The following WT1 variants were observed in gnomAD, a reference collection of about 807,000 sequenced individuals.
WT1 encodes Wilms tumor protein.
Under a neutral mutation model 60.8 loss-of-function variants are expected in WT1, and 8 were observed. That is an observed-to-expected ratio of 0.13 (90% CI 0.08 to 0.24). The LOEUF is 0.24. Ranked by LOEUF, WT1 falls within the 10% of genes least tolerant of loss-of-function variation. The probability of loss-of-function intolerance (pLI) is 1.00; values close to 1 mark genes in which losing one functional copy is unlikely to be tolerated. For synonymous variants in WT1, 312 were observed against 297.1 expected, an observed-to-expected ratio of 1.05 and a Z score of -0.52; for missense variants, 568 against 711.8, an observed-to-expected ratio of 0.80 and a Z score of 2.30.
At chr11:32,408,508 A>T (rs1390875086) in intron 5 of WT1, among the ~76,000 whole-genome samples, 13 of 124,022 alleles carry the variant, frequency 1.0e-4, no homozygotes, top group Non-Finnish European at 2.0e-4. Context: ...GAAGGAGACT[A>T]CGTCTTAAAA....
chr11:32,407,891 A>C (rs1289899083), intron 5 of WT1, among the ~76,000 whole-genome samples: 3 of 152,146 alleles, frequency 2.0e-5, no homozygotes, highest in African/African-American at 7.2e-5. Context: ...GAAAAAAGAA[A>C]ATAAAAAAAG....
At chr11:32,432,024 C>T (rs1432291624) in intron 1 of WT1, among the ~76,000 whole-genome samples, 4 of 152,184 alleles carry the variant, frequency 2.6e-5, no homozygotes, top group Admixed American at 2.6e-4. Flanking sequence ...CAAAGGTTCT[C>T]GAGGCCATTG....
At chr11:32,404,502 A>C (rs1396218773) in intron 5 of WT1, among the ~76,000 whole-genome samples, 1 of 152,004 alleles carries the variant, frequency 6.6e-6, no homozygotes, top group Non-Finnish European at 1.5e-5. Context: ...AGGCAGGTAA[A>C]GTCACGGGAG....
At chr11:32,424,296 T>C (rs555138945) in intron 3 of WT1, among the ~76,000 whole-genome samples, 76 of 151,934 alleles carry the variant, frequency 5.0e-4, no homozygotes, top group African/African-American at 1.8e-3. Flanking sequence ...AAGGATCAAA[T>C]CCTGATTCTG....
At chr11:32,431,544 C>A (rs1368020940) in intron 1 of WT1, among the ~76,000 whole-genome samples, 1 of 150,056 alleles carries the variant, frequency 6.7e-6, no homozygotes, top group Non-Finnish European at 1.5e-5. Flanking sequence ...TCAAACGATT[C>A]TTGTGCCTCA....
At chr11:32,431,597 C>T (rs1440477181) in intron 1 of WT1, among the ~76,000 whole-genome samples, 1 of 104,892 alleles carries the variant, frequency 9.5e-6, no homozygotes, top group Non-Finnish European at 1.7e-5. Flanking sequence ...TCACCAAGCC[C>T]GGCCAATTTT....
intron 3 of WT1, among the ~76,000 whole-genome samples, chr11:32,419,804 C>T (rs1416030757): frequency 6.6e-6 from 1 of 152,260 alleles, no homozygotes; most frequent in Non-Finnish European, 1.5e-5. Context: ...AGCAATTCTC[C>T]TGCCTCAGCC....
intron 5 of WT1, among the ~76,000 whole-genome samples, chr11:32,415,744 G>A (rs1051746426): frequency 3.9e-5 from 6 of 152,160 alleles, no homozygotes; most frequent in African/African-American, 9.7e-5. Flanking sequence ...ACAACAGAAA[G>A]CCTTTTCTTT....
At chr11:32,410,867 T>C (rs1367438289) in intron 5 of WT1, among the ~76,000 whole-genome samples, 1 of 152,256 alleles carries the variant, frequency 6.6e-6, no homozygotes, top group African/African-American at 2.4e-5. Context: ...AACACTTTTC[T>C]GGATAACTTT....
intron 1 of WT1, among the ~76,000 whole-genome samples, chr11:32,432,910 G>A (rs1853360895): frequency 6.6e-6 from 1 of 152,232 alleles, no homozygotes; most frequent in Non-Finnish European, 1.5e-5. Flanking sequence ...GGATTCGATG[G>A]TTTCTCAACC....
At chr11:32,390,605 G>A (rs557122396) in intron 9 of WT1, among the ~76,000 whole-genome samples, 6 of 152,302 alleles carry the variant, frequency 3.9e-5, no homozygotes, top group Non-Finnish European at 8.8e-5. Context: ...TTCACTCGCT[G>A]TTCCTCTGCT....
intron 1 of WT1, among the ~76,000 whole-genome samples, chr11:32,431,470 T>C (rs1167683803): frequency 6.9e-6 from 1 of 145,900 alleles, no homozygotes; most frequent in Non-Finnish European, 1.5e-5. Flanking sequence ...GGAGTTTCGC[T>C]CTGTCGCCCA....
At chr11:32,431,087 G>A (rs1853293231) in intron 1 of WT1, among the ~76,000 whole-genome samples, 2 of 152,154 alleles carry the variant, frequency 1.3e-5, no homozygotes, top group Admixed American at 1.3e-4. Context: ...GCGCTAAGAG[G>A]CGAGACGCGC....
Position 32,435,494 on chromosome 11 carries a change from G to A in WT1, c.-134C>T. On this transcript the variant is annotated 5_prime_UTR_variant, in exon 1 of 10. Transcript: ENST00000452863. Reference sequence around the variant, plus strand: ...CGGACAGGCGGTCGGGTTGCGGAGAGCCCCCGGGTGTGGGCGCTGCCTTGA... The same window carrying A: ...CGGACAGGCGGTCGGGTTGCGGAGAACCCCCGGGTGTGGGCGCTGCCTTGA... The A allele has an allele frequency of 7.2e-7, 1 of 1,383,344 alleles. No homozygotes were observed. Among genetic ancestry groups the A allele is most frequent in the Non-Finnish European group, 9.7e-7 (1 of 1,031,770 alleles). The allele number at this position is 1,383,344 out of a possible 1,614,324, so 85.7% of individuals were successfully genotyped here.
At position 32,417,654 on chromosome 11, in the gene WT1, A is replaced by G; in HGVS notation, c.888T>C (p.Ser296=). 1 of 1,613,502 alleles carries G rather than the reference A, an allele frequency of 6.2e-7. No homozygotes were observed. The highest frequency in any genetic ancestry group is 8.5e-7 in the Non-Finnish European group (1 of 1,179,628). Residue 296 remains serine, a splice_region_variant and synonymous_variant, in exon 4 of 10, where the codon AGT becomes AGC. Coordinates refer to ENST00000452863, the MANE Select transcript of WT1 (RefSeq NM_024426.6). ...GGGATGTCATTTGGTATAAATTGTC[A>G]CTGTTAGAAAAACATCTAGAGTTAG...
rs1421163663 is a variant in WT1, at chr11:32,430,619, G to A, written c.662-2000C>T. On this transcript the variant is annotated intron_variant, in intron 1 of 9. Coordinates refer to ENST00000452863, the MANE Select transcript of WT1 (RefSeq NM_024426.6). ...TGCTCCGCAACTGTCCGTGCCCGGC[G>A]AGGGCCGTGGGTCCCGAGTCGCGGC... 7 of 1,552,626 alleles carry A rather than the reference G, an allele frequency of 4.5e-6. No homozygotes were observed. In the Admixed American group the frequency reaches 1.1e-4, roughly 24 times the overall value.
chr11:32,396,560 C>G (rs1851982295), intron 6 of WT1, among the ~76,000 whole-genome samples, 153 bp from the exon 7 acceptor site: 1 of 152,202 alleles, frequency 6.6e-6, no homozygotes, highest in Admixed American at 6.5e-5. Flanking sequence ...ATCCCCATGG[C>G]AGACATCAGT....
chr11:32,430,930 G>A (rs1040628986), intron 1 of WT1: 1 of 966,328 alleles, frequency 1.0e-6, no homozygotes, highest in Non-Finnish European at 1.3e-6. Flanking sequence ...CGGGGGCAGG[G>A]GCCAGGGGAG....
chr11:32,424,521 G>T lies in WT1; in HGVS notation c.887+3435C>A, dbSNP rs1440152436. The stretch of plus-strand genomic sequence containing the variant: ...TGCTGTCATCCAACAATGATCACTG[G>T]GTTCCGTAAGGGCAGACACCTGGTT... On this transcript the variant is annotated intron_variant, in intron 3 of 9. Transcript: ENST00000452863. 2.0e-5 allele frequency among the ~76,000 whole-genome samples: 3 copies of T among 152,156 alleles called. No individual in the cohort carries two copies. The East Asian group carries it at 5.8e-4, about 29-fold the overall frequency.
Sources: gnomAD v4.1 joint callset for allele counts (sites outside exome capture counted in the v4.1 genomes callset) on GRCh38, gnomAD v4.1.1 for gene constraint, MANE v1.5 for transcripts, NCBI Gene and HGNC (gene_info 2026-07-23, HGNC 2026-07-21) for gene names.